Variants in TRMT44 observed in about 807,000 individuals in gnomAD.
TRMT44 encodes the protein tRNA methyltransferase 44 homolog.
TRMT44 carries 78 observed loss-of-function variants against 77.3 expected under a neutral mutation model. The ratio of observed to expected loss-of-function variants is 1.01; its 90% CI spans 0.84 to 1.22. The LOEUF (loss-of-function observed/expected upper bound fraction) is 1.22, where lower values mean the gene tolerates loss of function less well. Among genes scored for constraint, TRMT44 ranks in the 50% most tolerant of loss-of-function variants. The pLI, the probability that TRMT44 is intolerant of heterozygous loss-of-function variation, is 0.00. For synonymous variants in TRMT44, 391 were observed against 383.3 expected (o/e 1.02, Z -0.23); for missense variants, 1,090 against 964.4 (o/e 1.13, Z -1.73).
Position 8,460,165 on chromosome 4 carries a change from G to A in TRMT44, c.1204-3820G>A, listed in dbSNP as rs148151128. Among the ~76,000 whole-genome samples the A allele has an allele frequency of 5.0e-3, 765 of 152,306 alleles. 23 individuals carry two copies. Among genetic ancestry groups the A allele is most frequent in the Admixed American group, 0.046 (697 of 15,302 alleles). ...CCTAATGGGAAAAAAGTCATGAGTA[G>A]CCCTCAGGAGCCGTCCTAGGACAGG... is the stretch of plus-strand genomic sequence containing the variant. On this transcript the variant is annotated intron_variant, in intron 6 of 10. Transcript: ENST00000389737.
At chr4:8,505,355 AAGGGTGC>A in the TRMT44 span, among the ~76,000 whole-genome samples, 1 of 152,106 alleles carries the variant, frequency 6.6e-6, no homozygotes. Context: ...CTCCAGGCTC[AAGGGTGC>A]AGGAGGAGCC....
chr4:8,471,501 C>G (rs1726995958), intron 10 of TRMT44, among the ~76,000 whole-genome samples: 1 of 152,270 alleles, frequency 6.6e-6, no homozygotes, highest in Non-Finnish European at 1.5e-5. Context: ...CAGGACAGAG[C>G]AAGTCGGGTA....
chr4:8,453,039 C>T (rs1725557857), intron 5 of TRMT44, 50 bp downstream of exon 5: 2 of 1,179,514 alleles, frequency 1.7e-6, no homozygotes, highest in East Asian at 2.8e-5. Context: ...AGAGTTTCCT[C>T]AAGTCAGGCA....
At chr4:8,490,415 A>G (rs1727960679) in intron 2 of TRMT44, among the ~76,000 whole-genome samples, 1 of 151,976 alleles carries the variant, frequency 6.6e-6, no homozygotes, top group African/African-American at 2.4e-5. Flanking sequence ...TCGCTGGCTC[A>G]GGAGTGAAGC....
At chr4:8,459,598 C>G (rs531227853) in intron 6 of TRMT44, among the ~76,000 whole-genome samples, 1 of 152,154 alleles carries the variant, frequency 6.6e-6, no homozygotes, top group Non-Finnish European at 1.5e-5. Context: ...TTTTTCCTAC[C>G]TGGACTTTAA....
intron 6 of TRMT44, among the ~76,000 whole-genome samples, chr4:8,459,742 A>G (rs1206136184): frequency 6.6e-6 from 1 of 152,168 alleles, no homozygotes; most frequent in South Asian, 2.1e-4. Context: ...CATTTATCAC[A>G]TATTTGAGTG....
In TRMT44 at chr4:8,451,590, C is replaced by T. The variant is rs945533875; in HGVS notation, c.955-370C>T. Reference sequence around the variant, plus strand: ...AGCACTGGTCTCCTAGTTTGTGGCTCGCGGCTCTCCCTGCCCTAGTTTCAC... The same window carrying T: ...AGCACTGGTCTCCTAGTTTGTGGCTTGCGGCTCTCCCTGCCCTAGTTTCAC... On this transcript the variant is annotated intron_variant, in intron 3 of 10. Transcript: ENST00000389737. The surrounding 1 kb of genome is among the most constrained non-coding windows in gnomAD (Gnocchi z 4.1). Among the ~76,000 whole-genome samples the T allele has an allele frequency of 5.3e-5, 8 of 152,162 alleles. No individual in the cohort carries two copies. Among genetic ancestry groups the T allele is most frequent in the African/African-American group, 1.7e-4 (7 of 41,428 alleles).
At chr4:8,447,740 A>T (rs1195227917) in intron 2 of TRMT44, among the ~76,000 whole-genome samples, 1 of 152,186 alleles carries the variant, frequency 6.6e-6, no homozygotes, top group Non-Finnish European at 1.5e-5. Context: ...CCGAGTTGTC[A>T]GGGGATCCTG....
the TRMT44 span, among the ~76,000 whole-genome samples, chr4:8,498,933 G>A: frequency 2.0e-3 from 312 of 152,268 alleles, 1 homozygote; most frequent in African/African-American, 7.0e-3. This position sits in a 1 kb window ranked among gnomAD's most constrained non-coding sequence, Gnocchi z 4.3. Context: ...CAGTTGCCCA[G>A]AGGAGGTACC....
downstream of TRMT44, among the ~76,000 whole-genome samples, chr4:8,480,250 G>C (rs1727570806): frequency 6.6e-6 from 1 of 152,160 alleles, no homozygotes; most frequent in African/African-American, 2.4e-5. Flanking sequence ...AAAAGCTTTA[G>C]AGCAGGAAAG....
rs1724925836 is a variant in TRMT44 at position 8,444,246 on chromosome 4, G to A, written c.620-2230G>A. Among the ~76,000 whole-genome samples, 1 of 152,022 alleles carries A rather than the reference G, an allele frequency of 6.6e-6. No homozygotes were observed. Among genetic ancestry groups the A allele is most frequent in the Non-Finnish European group, 1.5e-5 (1 of 67,996 alleles). ...CAAAACAATGGAACTCGTGGACATA[G>A]AGAGTGGAAGGATGGTTACCAGAGG... is the stretch of plus-strand genomic sequence containing the variant. On this transcript the variant is annotated intron_variant, in intron 1 of 10. Transcript: ENST00000389737. This position sits in a 1 kb window ranked among gnomAD's most constrained non-coding sequence, Gnocchi z 4.0.
At chr4:8,513,853 G>A in the TRMT44 span, among the ~76,000 whole-genome samples, 4 of 152,290 alleles carry the variant, frequency 2.6e-5, no homozygotes, top group Admixed American at 6.5e-5. Context: ...CACCCACCAG[G>A]GTGACCAAAA....
At position 8,451,251 on chromosome 4, in the gene TRMT44, G is replaced by T. The variant is rs1725430204; in HGVS notation, c.955-709G>T. On this transcript the variant is annotated intron_variant, in intron 3 of 10. Coordinates refer to ENST00000389737, the MANE Select transcript of TRMT44 (RefSeq NM_152544.3). This position sits in a 1 kb window ranked among gnomAD's most constrained non-coding sequence, Gnocchi z 4.1. The stretch of plus-strand genomic sequence containing the variant: ...CCTTTGCCATCTTGTTAGCTATTTG[G>T]TACCGTCCAGAAGGTACTTTTTATG... Among the ~76,000 whole-genome samples, 1 of 152,082 alleles carries T rather than the reference G, an allele frequency of 6.6e-6. No homozygotes were observed. The highest frequency in any genetic ancestry group is 2.1e-4 in the South Asian group (1 of 4,828).
rs1448135855 is a variant in TRMT44 at position 8,475,809 on chromosome 4, G to A, written c.2082G>A (p.Glu694=). The change falls in exon 11 of 11, where the codon GAG becomes GAA. Residue 694 remains glutamate (E), a synonymous_variant. Coordinates refer to ENST00000389737, the MANE Select transcript of TRMT44 (RefSeq NM_152544.3). ...NGRVHIRDWR[E]ETLWKTKQPE... is the part of the protein sequence containing the mutation. ...GAGTTCACATCCGCGACTGGCGAGAGGAGACACTGTGGAAGACAAAGCAAC... is the reference window on the plus strand; with the variant it reads ...GAGTTCACATCCGCGACTGGCGAGAAGAGACACTGTGGAAGACAAAGCAAC... The A allele has an allele frequency of 3.7e-6, 6 of 1,614,044 alleles. No homozygotes were observed. The highest frequency in any genetic ancestry group is 5.1e-6 in the Non-Finnish European group (6 of 1,180,042).
the TRMT44 span, among the ~76,000 whole-genome samples, chr4:8,516,790 A>C: frequency 6.6e-6 from 1 of 152,226 alleles, no homozygotes; most frequent in Non-Finnish European, 1.5e-5. Context: ...AAAACAAAAA[A>C]CAAAACAACA....
In TRMT44 at chr4:8,446,197, C is replaced by T. The variant is rs1725044693; in HGVS notation, c.620-279C>T. On this transcript the variant is annotated intron_variant, in intron 1 of 10. Transcript: ENST00000389737. This position sits in a 1 kb window ranked among gnomAD's most constrained non-coding sequence, Gnocchi z 4.3. ...TTTCTCTGATTGTAGCTCTCAAGTT[C>T]CAATAGAGTCCACATTGGCTGGCTC... Among the ~76,000 whole-genome samples, 3 of 152,178 alleles carry T rather than the reference C, an allele frequency of 2.0e-5. No homozygotes were observed. In the East Asian group the frequency reaches 5.8e-4, roughly 29 times the overall value.
the TRMT44 span, among the ~76,000 whole-genome samples, chr4:8,499,553 C>T: frequency 3.9e-4 from 17 of 43,198 alleles, no homozygotes; most frequent in African/African-American, 3.8e-4. Context: ...TGTGTTGGGG[C>T]GTGTGGGGTG....
chr4:8,474,702 C>G (rs1461795222), intron 10 of TRMT44, among the ~76,000 whole-genome samples: 1 of 152,214 alleles, frequency 6.6e-6, no homozygotes, highest in African/African-American at 2.4e-5. Context: ...AGCCTTCTGT[C>G]GTGAGCGGTT....
chr4:8,473,624 G>C (rs1485802016), intron 10 of TRMT44: 1 of 152,394 alleles, frequency 6.6e-6, no homozygotes, highest in Non-Finnish European at 1.5e-5. Flanking sequence ...TGCTGAGGTA[G>C]AGTCCCAGGG....
Sources: gnomAD v4.1 joint callset for allele counts (sites outside exome capture counted in the v4.1 genomes callset) on GRCh38, gnomAD v4.1.1 for gene constraint, Gnocchi (gnomAD v3.1) non-coding constraint, MANE v1.5 for transcripts, NCBI Gene and HGNC (gene_info 2026-07-23, HGNC 2026-07-21) for gene names.